ATF7IP: variants seen among roughly 807,000 people sequenced by gnomAD.
ATF7IP encodes the protein activating transcription factor 7 interacting protein.
A neutral mutation model predicts 106.4 loss-of-function variants in ATF7IP; 23 were observed. The ratio of observed to expected loss-of-function variants is 0.22; its 90% CI spans 0.16 to 0.31. The LOEUF (loss-of-function observed/expected upper bound fraction) is 0.31, where lower values mean the gene tolerates loss of function less well. Among genes scored for constraint, ATF7IP ranks in the 10% least tolerant of loss-of-function variants. ATF7IP has a pLI of 1.00. For synonymous variants in ATF7IP, 542 were observed against 539.0 expected (o/e 1.01, Z -0.08); for missense variants, 1,334 against 1,524.3 (o/e 0.88, Z 2.08).
intron 13 of ATF7IP, chr12:14,482,186 A>G (rs1297939045): frequency 3.3e-5 from 5 of 152,154 alleles, no homozygotes; most frequent in African/African-American, 1.2e-4. Flanking sequence ...AAAGGTAACC[A>G]CTGTTCCTAC....
rs150378800 is a variant in ATF7IP, at chr12:14,474,461, C to T, written c.2863-1429C>T. Among the ~76,000 whole-genome samples the T allele has an allele frequency of 1.9e-3, 282 of 149,930 alleles. 9 individuals are homozygous for T. In the East Asian group the frequency reaches 0.036, roughly 19 times the overall value. ...TGCCACCTAGGCTGGAGTGCAGTCG[C>T]GCAATCTCAGCTCACTGCAACGTCC... On this transcript the variant is annotated intron_variant, in intron 10 of 14. Transcript: ENST00000261168.
At chr12:14,380,015 T>A (rs1258532872) in intron 1 of ATF7IP, among the ~76,000 whole-genome samples, 2 of 152,188 alleles carry the variant, frequency 1.3e-5, no homozygotes, top group Admixed American at 6.5e-5. Context: ...GATTCCAATT[T>A]GAATATTTGG....
At chr12:14,431,248 GCTTA>G (rs2136590274) in intron 2 of ATF7IP, among the ~76,000 whole-genome samples, 1 of 152,110 alleles carries the variant, frequency 6.6e-6, no homozygotes, top group South Asian at 2.1e-4. Flanking sequence ...CCCTTAATGA[GCTTA>G]CTGTCTAGTC....
chr12:14,388,086 T>C (rs1472407521), intron 1 of ATF7IP, among the ~76,000 whole-genome samples: 1 of 150,230 alleles, frequency 6.7e-6, no homozygotes, highest in Non-Finnish European at 1.5e-5. Context: ...CTTCCTCGGC[T>C]CACTGCACCC....
chr12:14,493,928 C>T (rs928710082), intron 13 of ATF7IP, among the ~76,000 whole-genome samples: 1 of 151,928 alleles, frequency 6.6e-6, no homozygotes, highest in African/African-American at 2.4e-5. Context: ...TCACTTTTTC[C>T]ACTGCACTTA....
chr12:14,408,758 C>G (rs182191873), intron 1 of ATF7IP, among the ~76,000 whole-genome samples: 1 of 152,188 alleles, frequency 6.6e-6, no homozygotes, highest in Non-Finnish European at 1.5e-5. Context: ...TATTTTATTA[C>G]TTTTTGTATG....
At chr12:14,420,805 G>A (rs1041601364) in intron 1 of ATF7IP, among the ~76,000 whole-genome samples, 1 of 152,150 alleles carries the variant, frequency 6.6e-6, no homozygotes, top group Non-Finnish European at 1.5e-5. Flanking sequence ...ACAACATTGA[G>A]CCCTAACTGT....
rs1565499435 is a variant in ATF7IP, at chr12:14,424,742, C to A, written c.827C>A (p.Ser276Tyr). 1 of 1,614,152 alleles carries A rather than the reference C, an allele frequency of 6.2e-7. No individual in the cohort carries two copies. The highest frequency in any genetic ancestry group is 8.5e-7 in the Non-Finnish European group (1 of 1,180,016). ...GATCTGGCCACTGGTGAACTGGCCT[C>A]TGATGAGCTGACTTCTGAATCAACC... Reference protein sequence around the residue: ...SDDLATGELASDELTSESTFD... With the variant: ...SDDLATGELAYDELTSESTFD... The change falls in exon 2 of 15, where the codon TCT (serine) becomes TAT (tyrosine). Residue 276 changes from serine (S) to tyrosine (Y), a missense_variant. This residue lies in a region of ATF7IP where 438 missense variants were observed against 405.3 expected (regional missense o/e 1.08). Transcript: ENST00000261168.
intron 2 of ATF7IP, among the ~76,000 whole-genome samples, chr12:14,425,761 A>G (rs1020829358): frequency 1.3e-5 from 2 of 152,234 alleles, no homozygotes; most frequent in Non-Finnish European, 1.5e-5. Flanking sequence ...TAACAGTTTA[A>G]GTTAGTACAT....
rs567695230 is a variant in ATF7IP at position 14,468,272 on chromosome 12, C to CAA, written c.2862+1698_2862+1699dup. On this transcript the variant is annotated intron_variant, in intron 10 of 14. Transcript: ENST00000261168. Reference sequence around the variant, plus strand: ...GAAAGAGCGAAACTCCATCCCATCTCAAAAAAAAAAAAAAAAAGAAATATA... The same window carrying CAA: ...GAAAGAGCGAAACTCCATCCCATCTCAAAAAAAAAAAAAAAAAAAGAAATATA... Among the ~76,000 whole-genome samples the CAA allele has an allele frequency of 7.9e-4, 52 of 65,714 alleles. 1 individual carries two copies. Among genetic ancestry groups the CAA allele is most frequent in the African/African-American group, 2.0e-3 (40 of 19,942 alleles). 43.1% of individuals were successfully genotyped at this position (65,714 alleles called of 152,430 possible).
At chr12:14,444,298 A>G (rs1942849555) in intron 5 of ATF7IP, among the ~76,000 whole-genome samples, 1 of 152,206 alleles carries the variant, frequency 6.6e-6, no homozygotes, top group Non-Finnish European at 1.5e-5. Context: ...GTTTTAAATA[A>G]TAGAAACTGT....
intron 2 of ATF7IP, among the ~76,000 whole-genome samples, chr12:14,433,208 AAAAT>A (rs1942226310): frequency 6.6e-6 from 1 of 152,046 alleles, no homozygotes; most frequent in Non-Finnish European, 1.5e-5. Flanking sequence ...GTCTCTACTA[AAAAT>A]AAAAAAAATT....
chr12:14,435,671 A>G (rs1474599384), intron 3 of ATF7IP, among the ~76,000 whole-genome samples: 4 of 152,198 alleles, frequency 2.6e-5, no homozygotes, highest in Admixed American at 6.5e-5. Flanking sequence ...ATTTTTTCCT[A>G]TACTTACGGA....
chr12:14,417,723 G>T (rs946620115), intron 1 of ATF7IP, among the ~76,000 whole-genome samples: 4 of 152,108 alleles, frequency 2.6e-5, no homozygotes, highest in African/African-American at 9.7e-5. Flanking sequence ...TATGTGTGTG[G>T]TATATTTAAT....
At position 14,370,597 on chromosome 12, in the gene ATF7IP, A is replaced by AT. The variant is rs749797722; in HGVS notation, c.-8+4778dup. ...TTGGGTGAATTTATAACCTTATACT[A>AT]TTTTTTTTAATTCATCGGTATTACA... is the stretch of plus-strand genomic sequence containing the variant. On this transcript the variant is annotated intron_variant, in intron 1 of 14. Coordinates refer to ENST00000261168, the MANE Select transcript of ATF7IP (RefSeq NM_018179.5). Among the ~76,000 whole-genome samples the AT allele has an allele frequency of 2.6e-5, 4 of 151,996 alleles. No homozygotes were observed. In the South Asian group the frequency reaches 6.2e-4, roughly 24 times the overall value.
intron 13 of ATF7IP, among the ~76,000 whole-genome samples, chr12:14,495,592 A>G (rs1284737703): frequency 3.3e-5 from 5 of 152,168 alleles, no homozygotes; most frequent in Non-Finnish European, 4.4e-5. Context: ...AGGTGGCTCT[A>G]AATTTTCTCT....
At chr12:14,371,672 A>G (rs1179792535) in intron 1 of ATF7IP, among the ~76,000 whole-genome samples, 2 of 152,154 alleles carry the variant, frequency 1.3e-5, no homozygotes, top group Non-Finnish European at 2.9e-5. Context: ...GGGAATCAGT[A>G]TTCCCAGAGC....
intron 1 of ATF7IP, among the ~76,000 whole-genome samples, chr12:14,378,455 G>A (rs914879819): frequency 3.9e-5 from 6 of 152,030 alleles, no homozygotes; most frequent in Non-Finnish European, 1.5e-5. Flanking sequence ...GGCTTCTTTA[G>A]CTTATAACCT....
At chr12:14,378,178 A>G (rs147531389) in intron 1 of ATF7IP, among the ~76,000 whole-genome samples, 9,627 of 150,320 alleles carry the variant, frequency 0.064, 1,039 homozygotes, top group African/African-American at 0.22. Flanking sequence ...GCTCACTGCA[A>G]CCTCTGCCTT....
Sources: gnomAD v4.1 joint callset for allele counts (sites outside exome capture counted in the v4.1 genomes callset) on GRCh38, gnomAD v4.1.1 for gene constraint, gnomAD v4.1.1 regional missense constraint, MANE v1.5 for transcripts, NCBI Gene and HGNC (gene_info 2026-07-23, HGNC 2026-07-21) for gene names.